The following DLG1 variants were observed in gnomAD, a reference collection of about 807,000 sequenced individuals.
The protein encoded by DLG1 is discs large MAGUK scaffold protein 1, also known as disks large homolog 1.
A neutral mutation model predicts 123.4 loss-of-function variants in DLG1; 42 were observed. The ratio of observed to expected loss-of-function variants is 0.34; its 90% confidence interval spans 0.27 to 0.44. The LOEUF is 0.44. Ranked by LOEUF, DLG1 falls within the 20% of genes least tolerant of loss-of-function variation. The probability of loss-of-function intolerance (pLI) is 1.00; values close to 1 mark genes in which losing one functional copy is unlikely to be tolerated. For missense variants in DLG1, 942 were observed against 1,082.6 expected (o/e 0.87, Z 1.82); for synonymous variants, 317 against 356.2 (o/e 0.89, Z 1.24).
At chr3:197,115,903 G>A (rs753954404) in intron 13 of DLG1, 24 bp downstream of exon 13, 125 of 1,601,280 alleles carry the variant, frequency 7.8e-5, no homozygotes, top group Non-Finnish European at 9.9e-5. Flanking sequence ...TAACAAAAAC[G>A]TGATCTTGAC....
At chr3:197,163,048 AT>A (rs1411645504) in intron 5 of DLG1, among the ~76,000 whole-genome samples, 1 of 152,248 alleles carries the variant, frequency 6.6e-6, no homozygotes, top group Non-Finnish European at 1.5e-5. Flanking sequence ...AAGAGCTTGA[AT>A]AATTTCTGCA....
At chr3:197,145,242 AT>A (rs1790160861) in intron 6 of DLG1, among the ~76,000 whole-genome samples, 1 of 152,140 alleles carries the variant, frequency 6.6e-6, no homozygotes, top group Admixed American at 6.5e-5. Flanking sequence ...TCTAAAGGTT[AT>A]TTGCATCATC....
intron 24 of DLG1, among the ~76,000 whole-genome samples, chr3:197,046,088 C>T (rs1722837111): frequency 6.6e-6 from 1 of 152,186 alleles, no homozygotes; most frequent in Non-Finnish European, 1.5e-5. Context: ...TGCAGACATG[C>T]CTCAATGTCC....
chr3:197,088,273 A>G (rs1460772529), intron 15 of DLG1, among the ~76,000 whole-genome samples: 1 of 152,224 alleles, frequency 6.6e-6, no homozygotes, highest in Non-Finnish European at 1.5e-5. Context: ...GGATAGCTAG[A>G]AAAAAGGAAT....
At chr3:197,149,236 A>C (rs528820285) in intron 6 of DLG1, among the ~76,000 whole-genome samples, 10 of 152,162 alleles carry the variant, frequency 6.6e-5, no homozygotes, top group Non-Finnish European at 1.3e-4. Context: ...ACCACCTGGC[A>C]ACTGCTAATC....
intron 4 of DLG1, chr3:197,260,510 T>C (rs980517383): frequency 5.5e-6 from 1 of 181,146 alleles, no homozygotes; most frequent in Non-Finnish European, 1.2e-5. Context: ...TACAATCTTC[T>C]TTATGTAATC....
intron 24 of DLG1, among the ~76,000 whole-genome samples, chr3:197,046,135 G>C (rs1435884204): frequency 6.6e-6 from 1 of 152,174 alleles, no homozygotes; most frequent in South Asian, 2.1e-4. Flanking sequence ...TACTTGGTTC[G>C]TGGGTTTGGC....
rs374162097 is a variant in DLG1 at position 197,112,895 on chromosome 3, G to A, written c.1443+3032C>T. 1.5e-4 allele frequency among the ~76,000 whole-genome samples: 23 copies of A among 152,190 alleles called. No homozygotes were observed. The East Asian group carries it at 1.9e-3, about 13-fold the overall frequency. On this transcript the variant is annotated intron_variant, in intron 13 of 24. Coordinates refer to ENST00000667157, the MANE Select transcript of DLG1 (RefSeq NM_001366207.1). Reference sequence around the variant, plus strand: ...ATAAGCAAGAGTCACGTCACCCAGCGTATTTGGTTTCTTAATGTCATCTTC... The same window carrying A: ...ATAAGCAAGAGTCACGTCACCCAGCATATTTGGTTTCTTAATGTCATCTTC...
intron 22 of DLG1, among the ~76,000 whole-genome samples, chr3:197,060,489 C>A (rs1262583525): frequency 1.3e-5 from 2 of 152,136 alleles, no homozygotes; most frequent in Non-Finnish European, 1.5e-5. Flanking sequence ...CTCCAAACTA[C>A]CATCTCCCCA....
chr3:197,297,833 G>A, intron 1 of DLG1: 4 of 985,302 alleles, frequency 4.1e-6, no homozygotes, highest in South Asian at 4.7e-5. Context: ...CTCGGAACTG[G>A]GGTGCGCCCC....
chr3:197,083,041 C>T (rs894254556), intron 16 of DLG1, among the ~76,000 whole-genome samples: 2 of 152,084 alleles, frequency 1.3e-5, no homozygotes, highest in Non-Finnish European at 2.9e-5. Context: ...GAAGCATTTC[C>T]GAATTTAAAG....
intron 5 of DLG1, among the ~76,000 whole-genome samples, chr3:197,182,129 C>T (rs908997218): frequency 8.1e-5 from 11 of 136,362 alleles, no homozygotes; most frequent in African/African-American, 3.1e-4. Context: ...TTTACATAAA[C>T]CATATATATA....
At chr3:197,045,436 TAAGA>T (rs879435526) in intron 24 of DLG1, among the ~76,000 whole-genome samples, 1 of 152,218 alleles carries the variant, frequency 6.6e-6, no homozygotes, top group East Asian at 1.9e-4. Context: ...ACTAACTTTT[TAAGA>T]AAGAAAGAAA....
chr3:197,261,395 T>C lies in DLG1; in HGVS notation c.318+21284A>G, dbSNP rs146723164. Among the ~76,000 whole-genome samples, 1,288 of 152,326 alleles carry C rather than the reference T, an allele frequency of 8.5e-3. 17 individuals carry two copies. Among genetic ancestry groups the C allele is most frequent in the African/African-American group, 0.029 (1,217 of 41,558 alleles). On this transcript the variant is annotated intron_variant, in intron 4 of 24. Transcript: ENST00000667157. The stretch of plus-strand genomic sequence containing the variant: ...AGTTTGAGGATGCAGTGAGCTGTAA[T>C]TGCAGCACTGCACTCCAGCCTGGGC...
In DLG1 at chr3:197,091,017, C is replaced by G; in HGVS notation, c.1556G>C (p.Arg519Pro). The stretch of plus-strand genomic sequence containing the variant: ...TAAATCATGTATTTTAGCTTCAAAA[C>G]GACTGTATTCTGATGGAAGAAAAAG... Reference protein sequence around the residue: ...VAQYRPEEYSRFEAKIHDLRE... With the variant: ...VAQYRPEEYSPFEAKIHDLRE... Residue 519 changes from arginine to proline, a missense_variant, in exon 15 of 25, where the codon CGT becomes CCT. By Grantham distance (103) the Arg-to-Pro change is moderately radical (BLOSUM62 -2). Transcript: ENST00000667157. 1 of 1,597,120 alleles carries G rather than the reference C, an allele frequency of 6.3e-7. No homozygotes were observed.
chr3:197,209,710 A>C (rs1730353091), intron 4 of DLG1, among the ~76,000 whole-genome samples: 1 of 146,828 alleles, frequency 6.8e-6, no homozygotes, highest in African/African-American at 2.4e-5. Flanking sequence ...CAAGGTATCT[A>C]GTAAAATTCC....
chr3:197,060,133 T>C, intron 22 of DLG1, 135 bp from the exon 23 acceptor site: 14 of 535,872 alleles, frequency 2.6e-5, no homozygotes, highest in Non-Finnish European at 4.5e-5. Flanking sequence ...AAACTTGTCA[T>C]TTCTCTCAGC....
At position 197,162,582 on chromosome 3, in the gene DLG1, C is replaced by A. The variant is rs939798363; in HGVS notation, c.484-12786G>T. Among the ~76,000 whole-genome samples, 3 of 152,108 alleles carry A rather than the reference C, an allele frequency of 2.0e-5. No homozygotes were observed. In the South Asian group the frequency reaches 6.2e-4, roughly 31 times the overall value. On this transcript the variant is annotated intron_variant, in intron 5 of 24. Coordinates refer to ENST00000667157, the MANE Select transcript of DLG1 (RefSeq NM_001366207.1). ...AAATGGCAATGATCTTTTCTGCCTA[C>A]CAAATTAGTCAAATTAAGATTTATT...
chr3:197,151,660 A>C (rs1468452235), intron 5 of DLG1, among the ~76,000 whole-genome samples: 1 of 152,208 alleles, frequency 6.6e-6, no homozygotes, highest in East Asian at 1.9e-4. Flanking sequence ...AAAGTAAACC[A>C]AAAAATCACT....
Sources: allele counts gnomAD v4.1 joint callset (sites outside exome capture counted in the v4.1 genomes callset), GRCh38; gene constraint gnomAD v4.1.1; transcripts MANE v1.5; gene names NCBI Gene and HGNC (gene_info 2026-07-23, HGNC 2026-07-21).